MAP2K3: variants seen among roughly 807,000 people sequenced by gnomAD.
MAP2K3 encodes dual specificity mitogen-activated protein kinase kinase 3.
In MAP2K3, 30 loss-of-function variants were observed where a neutral mutation model predicts 46.4. The ratio of observed to expected loss-of-function variants is 0.65; its 90% CI spans 0.48 to 0.88. MAP2K3 has a LOEUF of 0.88. MAP2K3 is among the 40% of genes least tolerant of loss of function. The pLI is 0.00. For missense variants in MAP2K3, 380 were observed against 464.5 expected, an observed-to-expected ratio of 0.82 and a Z score of 1.67; for synonymous variants, 189 against 176.3, an observed-to-expected ratio of 1.07 and a Z score of -0.57.
chr17:21,298,940 G>A lies in MAP2K3; in HGVS notation c.165+14G>A, dbSNP rs201576693. 1.9e-5 allele frequency: 30 copies of A among 1,614,062 alleles called. No homozygotes were observed. The highest frequency in any genetic ancestry group is 1.6e-4 in the Middle Eastern group (1 of 6,084). ...ATTGGAGACAGAGTAGGTGCCAGCC[G>A]CCACCCCTGCAGGGCCTCTCACTTC... On this transcript the variant is annotated intron_variant, in intron 3 of 11. Transcript: ENST00000342679.
At chr17:21,298,974 A>G in intron 3 of MAP2K3, 48 bp downstream of exon 3, 1 of 1,613,090 alleles carries the variant, frequency 6.2e-7, no homozygotes, top group Non-Finnish European at 8.5e-7. Flanking sequence ...TCACCTGACG[A>G]GCGGGTAGAG....
At chr17:21,302,424 C>A (rs1010486339) in intron 6 of MAP2K3, among the ~76,000 whole-genome samples, 165 bp downstream of exon 6, 1 of 152,312 alleles carries the variant, frequency 6.6e-6, no homozygotes, top group Non-Finnish European at 1.5e-5. Flanking sequence ...TTCTCCTCCA[C>A]CCCAGACCAG....
chr17:21,294,767 C>T (rs1007399189), intron 1 of MAP2K3, among the ~76,000 whole-genome samples: 1 of 152,312 alleles, frequency 6.6e-6, no homozygotes, highest in Non-Finnish European at 1.5e-5. Context: ...ATCTAATCTC[C>T]ACGCGCCAGG....
chr17:21,303,355 C>G (rs34852314), intron 7 of MAP2K3, 121 bp downstream of exon 7: 31 of 1,337,534 alleles, frequency 2.3e-5, no homozygotes, highest in Non-Finnish European at 3.1e-5. Context: ...GTGACGTGCC[C>G]GATGGGGTTC....
intron 1 of MAP2K3, among the ~76,000 whole-genome samples, chr17:21,297,653 C>A (rs1976333731): frequency 6.6e-6 from 1 of 152,310 alleles, no homozygotes; most frequent in Non-Finnish European, 1.5e-5. Context: ...GAAATGCTGA[C>A]CCTCCGTTAG....
At position 21,298,882 on chromosome 17, in the gene MAP2K3, C is replaced by T; in HGVS notation, c.121C>T (p.Pro41Ser). ...CGGAGTCTTCTTTCTCCACAGACCC[C>T]CCCGGAACCTGGACTCCCGGACCTT... ...SKPPAPNPTPPRNLDSRTFIT... is the reference protein window; with the variant it reads ...SKPPAPNPTPSRNLDSRTFIT... Residue 41 changes from proline to serine, a missense_variant, in exon 3 of 12, where the codon CCC becomes TCC. Pro to Ser is a moderately conservative substitution (Grantham distance 74). Coordinates refer to ENST00000342679, the MANE Select transcript of MAP2K3 (RefSeq NM_145109.3). 6.2e-7 allele frequency: 1 copy of T among 1,614,314 alleles called. No individual in the cohort carries two copies.
At chr17:21,309,921 A>G (rs1163953646) in intron 9 of MAP2K3, among the ~76,000 whole-genome samples, 1 of 152,048 alleles carries the variant, frequency 6.6e-6, no homozygotes, top group Non-Finnish European at 1.5e-5. Flanking sequence ...GCTTCTTTTT[A>G]AAAAACTTTT....
intron 1 of MAP2K3, chr17:21,296,114 T>G: frequency 7.8e-7 from 1 of 1,289,584 alleles, no homozygotes; most frequent in Non-Finnish European, 1.0e-6. Flanking sequence ...TGGTGACCAT[T>G]TATGGGCCAC....
intron 1 of MAP2K3, among the ~76,000 whole-genome samples, chr17:21,297,858 C>T (rs1460628014): frequency 3.8e-4 from 4 of 10,592 alleles, no homozygotes; most frequent in African/African-American, 1.6e-3. Flanking sequence ...GGGTGTCGGC[C>T]TCCAGGGTGA....
At chr17:21,298,763 T>A (rs1366971224) in intron 2 of MAP2K3, 115 bp from the exon 3 acceptor site, 2 of 1,509,034 alleles carry the variant, frequency 1.3e-6, no homozygotes, top group Non-Finnish European at 1.8e-6. Context: ...AGAAGGCGCC[T>A]CCGGGGCAGG....
intron 1 of MAP2K3, chr17:21,296,184 T>C: frequency 1.6e-6 from 2 of 1,289,606 alleles, no homozygotes; most frequent in Non-Finnish European, 2.0e-6. Context: ...GTGATCTTGC[T>C]TCGTCCTGCA....
chr17:21,292,596 C>T (rs1041504174), intron 1 of MAP2K3, among the ~76,000 whole-genome samples: 23 of 152,422 alleles, frequency 1.5e-4, no homozygotes, highest in Non-Finnish European at 2.9e-4. Flanking sequence ...AACTCCTGAG[C>T]TCAAGGAATC....
In MAP2K3 at chr17:21,307,900, G is replaced by A. The variant is rs532118905; in HGVS notation, c.774+2772G>A. The stretch of plus-strand genomic sequence containing the variant: ...AGACGGAGTTGCACTCTGTTGCCTA[G>A]CCTGGAGTGCAATGGCATGATCTCA... On this transcript the variant is annotated intron_variant, in intron 9 of 11. Transcript: ENST00000342679. Among the ~76,000 whole-genome samples the A allele has an allele frequency of 7.3e-5, 10 of 137,488 alleles. No homozygotes were observed. In the East Asian group the frequency reaches 2.0e-3, roughly 27 times the overall value. 90.2% of individuals were successfully genotyped at this position (137,488 alleles called of 152,430 possible).
chr17:21,301,967 A>T (rs1196120327), intron 5 of MAP2K3, among the ~76,000 whole-genome samples, 176 bp from the exon 6 acceptor site: 1 of 121,370 alleles, frequency 8.2e-6, no homozygotes, highest in Non-Finnish European at 1.7e-5. Flanking sequence ...GCAGAGTTGG[A>T]GGGTGGGGGA....
rs1280747102 is a variant in MAP2K3, at chr17:21,303,241, G to A, written c.568+7G>A. On this transcript the variant is annotated splice_region_variant and intron_variant, in intron 7 of 11. Coordinates refer to ENST00000342679, the MANE Select transcript of MAP2K3 (RefSeq NM_145109.3). ...CTGTCGGTGATCCACAGAGGTCAGT[G>A]CCCGGCAGCCACCCAGGCACGGTGT... is the stretch of plus-strand genomic sequence containing the variant. 5 of 1,614,016 alleles carry A rather than the reference G, an allele frequency of 3.1e-6. No individual in the cohort carries two copies. Among genetic ancestry groups the A allele is most frequent in the Non-Finnish European group, 4.2e-6 (5 of 1,180,032 alleles).
Position 21,298,425 on chromosome 17 carries a change from GGAA to G in MAP2K3, c.67_69del (p.Lys23del). 6.2e-7 allele frequency: 1 copy of G among 1,614,310 alleles called. No individual in the cohort carries two copies. The highest frequency in any genetic ancestry group is 8.5e-7 in the Non-Finnish European group (1 of 1,180,058). Reference sequence around the variant, plus strand: ...CTCTCCATTCTAGGAAAATCCAAGAGGAAGAAGGATCTACGGATATCCTGCATG... The same window carrying G: ...CTCTCCATTCTAGGAAAATCCAAGAGGAAGGATCTACGGATATCCTGCATG... On this transcript the variant is annotated inframe_deletion, in exon 2 of 12. Transcript: ENST00000342679.
chr17:21,289,926 G>T (rs1975838093), intron 1 of MAP2K3, among the ~76,000 whole-genome samples: 1 of 152,210 alleles, frequency 6.6e-6, no homozygotes, highest in Admixed American at 6.5e-5. Context: ...TCTCCCAGCT[G>T]GTCCCCTGCC....
intron 9 of MAP2K3, chr17:21,311,820 C>G (rs959272854): frequency 7.8e-5 from 17 of 217,116 alleles, no homozygotes; most frequent in Non-Finnish European, 1.2e-4. Flanking sequence ...TCAGATTTTT[C>G]CAGAGCAGCT....
At position 21,300,971 on chromosome 17, in the gene MAP2K3, T is replaced by C; in HGVS notation, c.377T>C (p.Phe126Ser). The C allele has an allele frequency of 6.2e-7, 1 of 1,614,260 alleles. No individual in the cohort carries two copies. The highest frequency in any genetic ancestry group is 1.7e-5 in the Admixed American group (1 of 60,038). ...RTVDCFYTVT[F>S]YGALFREGDV... Reference sequence around the variant, plus strand: ...GTCGACTGTTTCTACACTGTCACCTTCTACGGGGCACTATTCAGAGAGGTG... The same window carrying C: ...GTCGACTGTTTCTACACTGTCACCTCCTACGGGGCACTATTCAGAGAGGTG... Residue 126 changes from phenylalanine to serine, a missense_variant, in exon 5 of 12, where the codon TTC becomes TCC. By Grantham distance (155) the Phe-to-Ser change is radical. Transcript: ENST00000342679.
Sources: gnomAD v4.1 joint callset for allele counts (sites outside exome capture counted in the v4.1 genomes callset) on GRCh38, gnomAD v4.1.1 for gene constraint, MANE v1.5 for transcripts, NCBI Gene and HGNC (gene_info 2026-07-23, HGNC 2026-07-21) for gene names.